Variants in MGAT4C observed in about 807,000 individuals in gnomAD.
MGAT4C encodes the protein alpha-1,3-mannosyl-glycoprotein 4-beta-N-acetylglucosaminyltransferase C.
In MGAT4C, 19 loss-of-function variants were observed where a neutral mutation model predicts 40.1. The observed-to-expected ratio is 0.47, with a 90% CI of 0.33 to 0.70. MGAT4C has a LOEUF of 0.70. Ranked by LOEUF, MGAT4C falls within the 30% of genes least tolerant of loss-of-function variation. The pLI is 0.02. For synonymous variants in MGAT4C, 181 were observed against 187.1 expected (o/e 0.97, Z 0.27); for missense variants, 491 against 563.2 (o/e 0.87, Z 1.30).
intron 2 of MGAT4C, among the ~76,000 whole-genome samples, chr12:86,529,465 T>C (rs964903947): frequency 2.0e-5 from 3 of 152,048 alleles, no homozygotes; most frequent in Admixed American, 6.6e-5. Flanking sequence ...AACCCAGACA[T>C]TCACACTTGC....
At position 86,659,622 on chromosome 12, in the gene MGAT4C, G is replaced by A. The variant is rs752629863; in HGVS notation, c.-229+67587C>T. Among the ~76,000 whole-genome samples the A allele has an allele frequency of 3.9e-4, 60 of 152,162 alleles. 1 individual carries two copies. Among genetic ancestry groups the A allele is most frequent in the Non-Finnish European group, 7.9e-4 (54 of 67,986 alleles). On this transcript the variant is annotated intron_variant, in intron 2 of 7. Coordinates refer to the MGAT4C transcript ENST00000548651. Reference sequence around the variant, plus strand: ...AAATAACAAATGTAAGAAGCAGCCAGAAGTACAAAACAATAACAAAAAGAA... The same window carrying A: ...AAATAACAAATGTAAGAAGCAGCCAAAAGTACAAAACAATAACAAAAAGAA...
intron 3 of MGAT4C, among the ~76,000 whole-genome samples, chr12:86,399,765 G>T (rs900508499): frequency 2.0e-5 from 3 of 152,100 alleles, no homozygotes; most frequent in African/African-American, 7.2e-5. Flanking sequence ...CAACTCCACA[G>T]CAACAAAAGT....
intron 1 of MGAT4C, among the ~76,000 whole-genome samples, chr12:86,786,033 G>A (rs1289442246): frequency 2.0e-5 from 3 of 151,806 alleles, no homozygotes; most frequent in East Asian, 1.9e-4. Flanking sequence ...ATAATTCCCC[G>A]TTACAGCAAT....
At chr12:86,495,208 C>T (rs940025337) in intron 2 of MGAT4C, 1 of 152,014 alleles carries the variant, frequency 6.6e-6, no homozygotes, top group African/African-American at 2.4e-5. Flanking sequence ...CAGCAGACCA[C>T]ACACAACATT....
chr12:86,330,290 T>G (rs1954633234), intron 4 of MGAT4C, among the ~76,000 whole-genome samples: 1 of 151,556 alleles, frequency 6.6e-6, no homozygotes, highest in African/African-American at 2.4e-5. Context: ...TTTATCAAAT[T>G]ATTCTTTTAC....
intron 2 of MGAT4C, among the ~76,000 whole-genome samples, chr12:86,042,551 T>A (rs1005413318): frequency 6.6e-6 from 1 of 152,144 alleles, no homozygotes; most frequent in Non-Finnish European, 1.5e-5. Flanking sequence ...GAATCTTACA[T>A]GTCCTTTGCT....
intron 1 of MGAT4C, among the ~76,000 whole-genome samples, chr12:86,742,025 A>C (rs1043823791): frequency 6.6e-6 from 1 of 151,450 alleles, no homozygotes; most frequent in Non-Finnish European, 1.5e-5. Context: ...GACATTGAAA[A>C]TTAATAAGGT....
chr12:86,168,846 T>C (rs61929473), intron 1 of MGAT4C, among the ~76,000 whole-genome samples: 12,054 of 151,824 alleles, frequency 0.079, 605 homozygotes, highest in Middle Eastern at 0.22. Context: ...AACAAAAGAG[T>C]CTTTTCTTTT....
intron 2 of MGAT4C, among the ~76,000 whole-genome samples, chr12:86,581,200 G>C (rs564851775): frequency 4.6e-5 from 7 of 151,438 alleles, no homozygotes; most frequent in Non-Finnish European, 1.0e-4. Flanking sequence ...GACAAGTACA[G>C]TGATGTTGAG....
At chr12:86,729,980 G>A (rs891913988) in intron 1 of MGAT4C, among the ~76,000 whole-genome samples, 2 of 151,974 alleles carry the variant, frequency 1.3e-5, no homozygotes, top group African/African-American at 2.4e-5. Context: ...TCATGGCATA[G>A]TTTCTTTTTT....
At chr12:86,072,772 C>T (rs927283337) in intron 1 of MGAT4C, among the ~76,000 whole-genome samples, 3 of 152,026 alleles carry the variant, frequency 2.0e-5, no homozygotes, top group Non-Finnish European at 4.4e-5. Context: ...AGTAACTATA[C>T]TAATATTTTT....
chr12:86,400,804 C>T (rs1322031011), intron 3 of MGAT4C, among the ~76,000 whole-genome samples: 3 of 152,108 alleles, frequency 2.0e-5, no homozygotes, highest in African/African-American at 4.8e-5. Context: ...GTCATAATGA[C>T]AAAAACAGTC....
intron 3 of MGAT4C, among the ~76,000 whole-genome samples, chr12:86,374,179 A>G (rs1240438743): frequency 1.3e-5 from 2 of 152,124 alleles, no homozygotes; most frequent in Non-Finnish European, 2.9e-5. Flanking sequence ...CTGTAGTGCA[A>G]GTATCATCAG....
At chr12:86,451,400 C>A (rs1480632488) in intron 2 of MGAT4C, among the ~76,000 whole-genome samples, 4 of 152,126 alleles carry the variant, frequency 2.6e-5, no homozygotes. Flanking sequence ...TATAAAGTAG[C>A]CAGTCTCAGG....
intron 2 of MGAT4C, among the ~76,000 whole-genome samples, chr12:86,536,329 TGTAA>T (rs1425935303): frequency 3.3e-5 from 5 of 152,158 alleles, no homozygotes; most frequent in African/African-American, 9.7e-5. Context: ...CCTTTGGAAG[TGTAA>T]GTGTCATGTA....
rs554400029 is a variant in MGAT4C, at chr12:86,203,992, A to G, written c.-57+52247T>C. On this transcript the variant is annotated intron_variant, in intron 1 of 4. Coordinates refer to ENST00000611864, the MANE Select transcript of MGAT4C (RefSeq NM_001351288.2). ...AAAAAAGAAATATATATATATATATATGCCTTATAGCTAACTTCTAGAGTA... is the reference window on the plus strand; with the variant it reads ...AAAAAAGAAATATATATATATATATGTGCCTTATAGCTAACTTCTAGAGTA... Among the ~76,000 whole-genome samples the G allele has an allele frequency of 4.0e-5, 6 of 149,436 alleles. No individual in the cohort carries two copies. The South Asian group carries it at 1.3e-3, about 31-fold the overall frequency.
intron 1 of MGAT4C, among the ~76,000 whole-genome samples, chr12:86,074,440 T>A (rs1413150057): frequency 6.6e-6 from 1 of 152,136 alleles, no homozygotes; most frequent in Admixed American, 6.6e-5. Context: ...GAATAGTATA[T>A]CTTAATAAGC....
chr12:86,685,352 G>A (rs1950055352), intron 2 of MGAT4C, among the ~76,000 whole-genome samples: 1 of 152,168 alleles, frequency 6.6e-6, no homozygotes, highest in Non-Finnish European at 1.5e-5. Context: ...TTGTAGAGGT[G>A]TGATGTTATT....
At chr12:86,708,437 G>T (rs1223563233) in intron 2 of MGAT4C, among the ~76,000 whole-genome samples, 8 of 152,226 alleles carry the variant, frequency 5.3e-5, no homozygotes, top group African/African-American at 1.9e-4. Context: ...GCTGGGCAGT[G>T]CAGAAGGGAA....
Sources: gnomAD v4.1 joint callset for allele counts (sites outside exome capture counted in the v4.1 genomes callset) on GRCh38, gnomAD v4.1.1 for gene constraint, MANE v1.5 for transcripts, NCBI Gene and HGNC (gene_info 2026-07-23, HGNC 2026-07-21) for gene names.